Variants in IFNGR2 observed in about 807,000 individuals in gnomAD.
IFNGR2 encodes interferon gamma receptor 2, also known as IFN-gamma receptor 2.
Under a neutral mutation model 41.1 loss-of-function variants are expected in IFNGR2, and 15 were observed. The observed-to-expected ratio is 0.37, with a 90% CI of 0.24 to 0.56. The LOEUF (loss-of-function observed/expected upper bound fraction) is 0.56. Ranked by LOEUF, IFNGR2 falls within the 20% of genes least tolerant of loss-of-function variation. IFNGR2 has a pLI of 0.81. For synonymous variants in IFNGR2, 161 were observed against 171.6 expected, an observed-to-expected ratio of 0.94 and a Z score of 0.48; for missense variants, 362 against 415.7, an observed-to-expected ratio of 0.87 and a Z score of 1.12.
intron 1 of IFNGR2, among the ~76,000 whole-genome samples, chr21:33,409,089 A>G (rs892983750): frequency 6.6e-6 from 1 of 151,916 alleles, no homozygotes; most frequent in Non-Finnish European, 1.5e-5. Context: ...AGGCAGGAGA[A>G]TCGCTTGAAC....
intron 1 of IFNGR2, among the ~76,000 whole-genome samples, chr21:33,412,538 T>G (rs2083724701): frequency 6.6e-6 from 1 of 152,188 alleles, no homozygotes; most frequent in Admixed American, 6.5e-5. Flanking sequence ...TAATGAGGAC[T>G]GTGGTACCAG....
At position 33,433,744 on chromosome 21, in the gene IFNGR2, G is replaced by T. The variant is rs1370890975; in HGVS notation, c.879+873G>T. On this transcript the variant is annotated intron_variant, in intron 6 of 6. Transcript: ENST00000290219. ...CTACCGAACTGTACACCTAAAAAGA[G>T]TTATGATGGTACATTTTATGTTATG... 3.3e-5 allele frequency among the ~76,000 whole-genome samples: 5 copies of T among 152,042 alleles called. No homozygotes were observed. The East Asian group carries it at 9.7e-4, about 29-fold the overall frequency.
At chr21:33,411,789 C>G (rs1283463810) in intron 1 of IFNGR2, among the ~76,000 whole-genome samples, 2 of 152,220 alleles carry the variant, frequency 1.3e-5, no homozygotes, top group African/African-American at 4.8e-5. Flanking sequence ...AATGGATTCT[C>G]CCTGGAGGCT....
chr21:33,408,522 T>G (rs17885051), intron 1 of IFNGR2, among the ~76,000 whole-genome samples: 1,923 of 152,158 alleles, frequency 0.013, 27 homozygotes, highest in Non-Finnish European at 0.02. Flanking sequence ...ATGCATAAAG[T>G]CTGAAATGCC....
chr21:33,421,439 A>G (rs756976466), intron 2 of IFNGR2, 41 bp from the exon 3 acceptor site: 10 of 1,520,882 alleles, frequency 6.6e-6, no homozygotes, highest in Non-Finnish European at 9.1e-6. Flanking sequence ...TACACATGAA[A>G]CAGAGAATTC....
intron 1 of IFNGR2, chr21:33,410,733 G>T: frequency 1.3e-6 from 1 of 786,198 alleles, no homozygotes; most frequent in Non-Finnish European, 2.2e-6. Context: ...CTCCCTAAGT[G>T]CTGGGATTAC....
intron 1 of IFNGR2, 141 bp from the exon 2 acceptor site, chr21:33,414,747 G>A (rs1157029536): frequency 3.0e-6 from 3 of 997,152 alleles, no homozygotes; most frequent in African/African-American, 3.2e-5. Context: ...ATGCCCAGGG[G>A]GACCTGGTAA....
intron 1 of IFNGR2, among the ~76,000 whole-genome samples, chr21:33,413,877 G>A (rs1273502406): frequency 2.6e-5 from 3 of 117,584 alleles, no homozygotes; most frequent in African/African-American, 3.3e-5. Flanking sequence ...CTGTCGCCCA[G>A]ACTGGAGTGC....
chr21:33,432,553 T>C (rs2083899287), intron 5 of IFNGR2, 161 bp from the exon 6 acceptor site: 3 of 895,256 alleles, frequency 3.4e-6, no homozygotes, highest in South Asian at 1.4e-5. Context: ...GGATTGACTT[T>C]AGCTATTAAT....
intron 3 of IFNGR2, among the ~76,000 whole-genome samples, chr21:33,426,618 G>C (rs1310386093): frequency 1.3e-5 from 2 of 151,930 alleles, no homozygotes; most frequent in Non-Finnish European, 2.9e-5. Context: ...TACTTGAGAG[G>C]CTGATGCAAG....
chr21:33,414,760 C>T (rs1239111396), intron 1 of IFNGR2, 128 bp from the exon 2 acceptor site: 4 of 1,139,394 alleles, frequency 3.5e-6, no homozygotes, highest in Non-Finnish European at 5.1e-6. Context: ...CCTGGTAATG[C>T]CATTTCTGCA....
chr21:33,425,811 C>G (rs1263189494), intron 3 of IFNGR2, among the ~76,000 whole-genome samples: 1 of 152,208 alleles, frequency 6.6e-6, no homozygotes, highest in Non-Finnish European at 1.5e-5. Context: ...TTGGCCAGAT[C>G]ATACACCTAA....
intron 1 of IFNGR2, chr21:33,411,313 C>T (rs1350956716): frequency 1.0e-5 from 4 of 388,592 alleles, no homozygotes; most frequent in Non-Finnish European, 2.1e-5. Context: ...GAAGCCCTTC[C>T]TTGTCCCCTC....
intron 3 of IFNGR2, among the ~76,000 whole-genome samples, chr21:33,423,323 G>A (rs2083809836): frequency 6.6e-6 from 1 of 151,974 alleles, no homozygotes. Context: ...ACAGGCGTGA[G>A]CCACCGCACC....
chr21:33,403,623 C>T lies in IFNGR2; in HGVS notation c.73+7C>T. The T allele has an allele frequency of 3.0e-6, 4 of 1,326,774 alleles. No homozygotes were observed. The highest frequency in any genetic ancestry group is 3.3e-5 in the East Asian group (1 of 30,590). 82.2% of individuals were successfully genotyped at this position (1,326,774 alleles called of 1,614,324 possible). Reference sequence around the variant, plus strand: ...GCCGCCGCGGCCCCGCCAGGTGAGCCGGGCCTGGGCCTCCGCGGCGGGACG... The same window carrying T: ...GCCGCCGCGGCCCCGCCAGGTGAGCTGGGCCTGGGCCTCCGCGGCGGGACG... On this transcript the variant is annotated splice_region_variant and intron_variant, in intron 1 of 6. Transcript: ENST00000290219.
chr21:33,422,177 A>G (rs2083799071), intron 3 of IFNGR2, among the ~76,000 whole-genome samples: 1 of 152,228 alleles, frequency 6.6e-6, no homozygotes, highest in Admixed American at 6.5e-5. Flanking sequence ...GGTGCCTGGC[A>G]TGTAGTAGGT....
chr21:33,403,488 C>A lies in IFNGR2; in HGVS notation c.-56C>A. 1 of 1,087,144 alleles carries A rather than the reference C, an allele frequency of 9.2e-7. No homozygotes were observed. The highest frequency in any genetic ancestry group is 1.1e-6 in the Non-Finnish European group (1 of 885,544). The allele number at this position is 1,087,144 out of a possible 1,614,324, so 67.3% of individuals were successfully genotyped here. ...TTGGGCGGCGACGTGAGCGGCTCCG[C>A]GGACCCCGAGCGGGGCCCCGGCCGC... On this transcript the variant is annotated 5_prime_UTR_variant, in exon 1 of 7. Coordinates refer to ENST00000290219, the MANE Select transcript of IFNGR2 (RefSeq NM_005534.4).
chr21:33,403,700 G>A, intron 1 of IFNGR2, 84 bp downstream of exon 1: 1 of 939,208 alleles, frequency 1.1e-6, no homozygotes, highest in Non-Finnish European at 1.4e-6. Context: ...TCGTGGGGTG[G>A]GGGGAATCTG....
intron 1 of IFNGR2, among the ~76,000 whole-genome samples, chr21:33,403,840 G>C (rs1260448343): frequency 6.6e-6 from 1 of 152,134 alleles, no homozygotes; most frequent in Non-Finnish European, 1.5e-5. Context: ...GGCTAGAGGG[G>C]CCCGCTGGGA....
Sources: allele counts gnomAD v4.1 joint callset (sites outside exome capture counted in the v4.1 genomes callset), GRCh38; gene constraint gnomAD v4.1.1; transcripts MANE v1.5; gene names NCBI Gene and HGNC (gene_info 2026-07-23, HGNC 2026-07-21).